Variants in PCNX2 observed in about 807,000 individuals in gnomAD.
PCNX2 encodes the protein pecanex-like protein 2.
PCNX2 carries 168 observed loss-of-function variants against 223.8 expected under a neutral mutation model. That is an observed-to-expected ratio of 0.75 (90% confidence interval 0.66 to 0.85). The LOEUF is 0.85. Ranked by LOEUF, PCNX2 falls within the 40% of genes least tolerant of loss-of-function variation. The pLI is 0.00. For synonymous variants in PCNX2, 1,006 were observed against 1,052.6 expected (o/e 0.96, Z 0.86); for missense variants, 2,507 against 2,675.5 (o/e 0.94, Z 1.39).
At chr1:233,174,847 T>TGTATTTTTAGTAGAGATTTTTA (rs1679379823) in intron 17 of PCNX2, among the ~76,000 whole-genome samples, 1 of 152,226 alleles carries the variant, frequency 6.6e-6, no homozygotes, top group South Asian at 2.1e-4. Flanking sequence ...TGATAAACTT[T>TGTATTTTTAGTAGAGATTTTTA]GTGTGCATAA....
chr1:233,174,549 T>C (rs1332738671), intron 17 of PCNX2, among the ~76,000 whole-genome samples: 1 of 151,928 alleles, frequency 6.6e-6, no homozygotes, highest in Non-Finnish European at 1.5e-5. Flanking sequence ...TGTTCCAACA[T>C]TCCACATCTA....
At chr1:233,317,648 G>C in the PCNX2 span, among the ~76,000 whole-genome samples, 1 of 148,736 alleles carries the variant, frequency 6.7e-6, no homozygotes, top group African/African-American at 2.5e-5. Flanking sequence ...TTTGGTGTAG[G>C]AAAATATACT....
intron 33 of PCNX2, 75 bp downstream of exon 33, chr1:232,986,017 G>T (rs769985973): frequency 2.0e-6 from 3 of 1,484,062 alleles, no homozygotes; most frequent in South Asian, 2.4e-5. Flanking sequence ...GGAACGCAAG[G>T]CAGGTGCCAC....
intron 21 of PCNX2, among the ~76,000 whole-genome samples, chr1:233,096,715 A>C (rs905604652): frequency 6.6e-6 from 1 of 152,266 alleles, no homozygotes; most frequent in Middle Eastern, 3.4e-3. Flanking sequence ...AATAAAATAC[A>C]TTCACCAAGG....
chr1:233,292,919 G>A (rs1218728757), intron 1 of PCNX2, among the ~76,000 whole-genome samples: 2 of 151,856 alleles, frequency 1.3e-5, no homozygotes, highest in African/African-American at 4.8e-5. Context: ...TAACAATTTG[G>A]GCATATCTGT....
chr1:233,082,056 G>A (rs548027113), intron 23 of PCNX2, among the ~76,000 whole-genome samples: 1 of 152,188 alleles, frequency 6.6e-6, no homozygotes, highest in South Asian at 2.1e-4. Flanking sequence ...CAGGAAGCAT[G>A]TTCTGGGCTT....
chr1:233,239,469 A>C (rs1572134169), intron 8 of PCNX2, among the ~76,000 whole-genome samples: 2 of 152,206 alleles, frequency 1.3e-5, no homozygotes, highest in East Asian at 3.8e-4. Flanking sequence ...AGCCATTTAA[A>C]TATCCTTTAA....
At chr1:233,199,503 G>T (rs1680930091) in intron 14 of PCNX2, among the ~76,000 whole-genome samples, 1 of 151,988 alleles carries the variant, frequency 6.6e-6, no homozygotes, top group Admixed American at 6.6e-5. Context: ...AACAGTGATT[G>T]CATTATGCAC....
chr1:233,140,317 C>T (rs1276955793), intron 19 of PCNX2, among the ~76,000 whole-genome samples: 1 of 152,110 alleles, frequency 6.6e-6, no homozygotes, highest in African/African-American at 2.4e-5. Flanking sequence ...AATCCCTGGG[C>T]AATATATGCA....
chr1:233,008,615 C>A (rs997136420), intron 28 of PCNX2, among the ~76,000 whole-genome samples: 1 of 152,180 alleles, frequency 6.6e-6, no homozygotes, highest in African/African-American at 2.4e-5. Flanking sequence ...ATTCCAAATA[C>A]ACCCCAGTGT....
chr1:233,244,942 A>G (rs557239996), intron 8 of PCNX2, among the ~76,000 whole-genome samples: 233 of 152,272 alleles, frequency 1.5e-3, no homozygotes, highest in South Asian at 6.2e-3. Flanking sequence ...AAGATGAGGG[A>G]TTTATTTGTT....
intron 22 of PCNX2, among the ~76,000 whole-genome samples, chr1:233,092,285 C>T (rs997724020): frequency 1.3e-4 from 20 of 152,126 alleles, no homozygotes; most frequent in Non-Finnish European, 2.1e-4. Flanking sequence ...GGCAGATGTG[C>T]TAATATGTGA....
At chr1:233,174,836 G>C (rs1679379319) in intron 17 of PCNX2, among the ~76,000 whole-genome samples, 1 of 152,122 alleles carries the variant, frequency 6.6e-6, no homozygotes, top group South Asian at 2.1e-4. Flanking sequence ...ATGAATTTTG[G>C]TGATAAACTT....
upstream of PCNX2, among the ~76,000 whole-genome samples, chr1:233,297,363 A>G (rs1451267386): frequency 6.6e-6 from 1 of 152,224 alleles, no homozygotes; most frequent in Non-Finnish European, 1.5e-5. Context: ...TTAATAAACC[A>G]CAAGAGGAGG....
At chr1:233,141,773 ATGTGTG>A (rs34145635) in intron 19 of PCNX2, among the ~76,000 whole-genome samples, 63 of 146,284 alleles carry the variant, frequency 4.3e-4, no homozygotes, top group Middle Eastern at 3.5e-3. Flanking sequence ...GTATATGTAT[ATGTGTG>A]TGTGTGTGTG....
chr1:233,014,822 A>G (rs765114332), intron 27 of PCNX2, 45 bp from the exon 28 acceptor site: 5 of 1,449,754 alleles, frequency 3.4e-6, no homozygotes, highest in Non-Finnish European at 4.8e-6. Flanking sequence ...AGATTCCAAT[A>G]TGTACCAACA....
At position 232,986,445 on chromosome 1, in the gene PCNX2, G is replaced by A. The variant is rs749883592; in HGVS notation, c.5887C>T (p.Arg1963Cys). Residue 1963 changes from arginine (R) to cysteine (C), a missense_variant, in exon 33 of 34, where the codon CGC becomes TGC. Physicochemically the swap from Arg to Cys is radical, Grantham distance 180. Around this residue, in one of 3 missense-constraint regions of PCNX2, gnomAD observed 1,372 missense variants for 1,509.4 expected, o/e 0.91. Transcript: ENST00000258229. The stretch of plus-strand genomic sequence containing the variant: ...GTGGACGTCTGGAGGAATGTTTGGC[G>A]GCTCTCTAAGATGGGGCCAGATGAG... ...LSSSGPILESRQTFLQTSTSV... is the reference protein window; with the variant it reads ...LSSSGPILESCQTFLQTSTSV... 9 of 1,607,310 alleles carry A rather than the reference G, an allele frequency of 5.6e-6. No individual in the cohort carries two copies. Among genetic ancestry groups the A allele is most frequent in the East Asian group, 4.5e-5 (2 of 44,660 alleles).
chr1:233,252,679 G>C lies in PCNX2; in HGVS notation c.1944C>G (p.Thr648=). The change falls in exon 6 of 34, where the codon ACC becomes ACG. Residue 648 remains threonine, a synonymous_variant. Coordinates refer to ENST00000258229, the MANE Select transcript of PCNX2 (RefSeq NM_014801.4). Reference sequence around the variant, plus strand: ...TGGCAGGCTGAGTGCATGCGGGGCCGGTGCTAGTATGGTCTTGACTTTGCA... The same window carrying C: ...TGGCAGGCTGAGTGCATGCGGGGCCCGTGCTAGTATGGTCTTGACTTTGCA... ...PDLQSQDHTS[T]GPACTQPAKT... is the part of the protein sequence containing the mutation. 6.2e-7 allele frequency: 1 copy of C among 1,613,556 alleles called. No individual in the cohort carries two copies.
At chr1:233,244,046 G>T (rs1487636037) in intron 8 of PCNX2, among the ~76,000 whole-genome samples, 2 of 152,066 alleles carry the variant, frequency 1.3e-5, no homozygotes, top group Non-Finnish European at 2.9e-5. Flanking sequence ...GATCAGGCTG[G>T]TCTTGAACTC....
Sources: gnomAD v4.1 joint callset for allele counts (sites outside exome capture counted in the v4.1 genomes callset) on GRCh38, gnomAD v4.1.1 for gene constraint, gnomAD v4.1.1 regional missense constraint, MANE v1.5 for transcripts, NCBI Gene and HGNC (gene_info 2026-07-23, HGNC 2026-07-21) for gene names.